The following CADM1 variants were observed in gnomAD, a reference collection of about 807,000 sequenced individuals.
CADM1 encodes the protein TSLC-1.
In CADM1, 15 loss-of-function variants were observed where a neutral mutation model predicts 53.1. The observed-to-expected ratio is 0.28, with a 90% confidence interval of 0.19 to 0.44. The LOEUF (loss-of-function observed/expected upper bound fraction) is 0.44. CADM1 is among the 20% of genes least tolerant of loss of function. CADM1 has a pLI of 1.00. For synonymous variants in CADM1, 281 were observed against 243.0 expected (o/e 1.16, Z -1.45); for missense variants, 434 against 611.3 (o/e 0.71, Z 3.06).
At chr11:115,227,475 C>T (rs574968397) in intron 5 of CADM1, among the ~76,000 whole-genome samples, 134 of 152,108 alleles carry the variant, frequency 8.8e-4, no homozygotes, top group African/African-American at 2.7e-3. Context: ...CTACTCAGGA[C>T]GTACAAAGGA....
intron 1 of CADM1, among the ~76,000 whole-genome samples, chr11:115,364,849 T>G (rs900861270): frequency 1.3e-5 from 2 of 152,230 alleles, no homozygotes; most frequent in Non-Finnish European, 1.5e-5. Flanking sequence ...TCAGAACTTA[T>G]TAATGTTGGC....
At chr11:115,497,720 C>T (rs780212867) in intron 1 of CADM1, among the ~76,000 whole-genome samples, 14 of 152,134 alleles carry the variant, frequency 9.2e-5, no homozygotes, top group Admixed American at 2.0e-4. Context: ...TTGATGGTTT[C>T]CAAACTAAGG....
chr11:115,174,277 T>C lies in CADM1; in HGVS notation c.*2197A>G. 1 of 964,424 alleles carries C rather than the reference T, an allele frequency of 1.0e-6. No individual in the cohort carries two copies. The highest frequency in any genetic ancestry group is 4.8e-5 in the South Asian group (1 of 20,962). The allele number at this position is 964,424 out of a possible 1,614,324, so 59.7% of individuals were successfully genotyped here. On this transcript the variant is annotated 3_prime_UTR_variant, in exon 12 of 12. Coordinates refer to ENST00000331581, the MANE Select transcript of CADM1 (RefSeq NM_001301043.2). ...TGAGCAATGGTGTGATTTTTTTTTT[T>C]TGTTTTTGTTTTTGTTTTTCTTTTT... is the stretch of plus-strand genomic sequence containing the variant.
At chr11:115,197,900 G>T (rs1330940979) in intron 9 of CADM1, among the ~76,000 whole-genome samples, 2 of 152,144 alleles carry the variant, frequency 1.3e-5, no homozygotes, top group Non-Finnish European at 1.5e-5. Flanking sequence ...TTCTAAAGAA[G>T]AACAATGACC....
intron 1 of CADM1, chr11:115,397,735 TAGG>T (rs1565405837): frequency 2.0e-5 from 3 of 152,128 alleles, no homozygotes; most frequent in Non-Finnish European, 2.9e-5. Flanking sequence ...CGTTAATGAC[TAGG>T]AAGTGTACCA....
chr11:115,436,709 T>G (rs1740572635), intron 1 of CADM1, among the ~76,000 whole-genome samples: 1 of 152,212 alleles, frequency 6.6e-6, no homozygotes, highest in South Asian at 2.1e-4. Context: ...CTGTTGTACC[T>G]CAATGGTATG....
At chr11:115,331,290 T>A (rs1214024838) in intron 1 of CADM1, among the ~76,000 whole-genome samples, 1 of 152,184 alleles carries the variant, frequency 6.6e-6, no homozygotes, top group Admixed American at 6.5e-5. Flanking sequence ...AACATTATGT[T>A]CAGTTATTTA....
chr11:115,398,070 A>G (rs1591778356), intron 1 of CADM1, among the ~76,000 whole-genome samples: 2 of 152,146 alleles, frequency 1.3e-5, no homozygotes, highest in South Asian at 4.1e-4. Flanking sequence ...ATAAACCAGT[A>G]AACACTTGAC....
Position 115,254,278 on chromosome 11 carries a change from C to T in CADM1, c.125-13858G>A, listed in dbSNP as rs140641863. Among the ~76,000 whole-genome samples the T allele has an allele frequency of 1.7e-3, 256 of 152,214 alleles. 1 individual carries two copies. Among genetic ancestry groups the T allele is most frequent in the African/African-American group, 5.2e-3 (214 of 41,536 alleles). On this transcript the variant is annotated intron_variant, in intron 1 of 11. Coordinates refer to ENST00000331581, the MANE Select transcript of CADM1 (RefSeq NM_001301043.2). Reference sequence around the variant, plus strand: ...AGACTTCATGGGTGCTAGGCGCTCTCACTTTTTGAAGTAACTGGTCCATAT... The same window carrying T: ...AGACTTCATGGGTGCTAGGCGCTCTTACTTTTTGAAGTAACTGGTCCATAT...
intron 8 of CADM1, among the ~76,000 whole-genome samples, chr11:115,206,191 G>A (rs759357454): frequency 1.3e-5 from 2 of 152,136 alleles, no homozygotes; most frequent in African/African-American, 2.4e-5. Flanking sequence ...TGTTGAATAC[G>A]TATTGCTTTT....
chr11:115,209,507 C>T, intron 8 of CADM1, 67 bp downstream of exon 8: 3 of 1,594,088 alleles, frequency 1.9e-6, no homozygotes, highest in Non-Finnish European at 2.6e-6. Flanking sequence ...TTTTCGGCTT[C>T]TTTTTATACA....
chr11:115,448,568 C>A (rs1420401956), intron 1 of CADM1, among the ~76,000 whole-genome samples: 1 of 147,380 alleles, frequency 6.8e-6, no homozygotes, highest in South Asian at 2.2e-4. Context: ...CATTTTTTCT[C>A]ATTTTTCAAC....
intron 8 of CADM1, among the ~76,000 whole-genome samples, chr11:115,203,249 T>C (rs909904537): frequency 6.6e-6 from 1 of 152,102 alleles, no homozygotes; most frequent in African/African-American, 2.4e-5. Flanking sequence ...GCAAACCAGA[T>C]GTTCTGCAAA....
intron 11 of CADM1, 145 bp from the exon 12 acceptor site, chr11:115,176,737 G>A (rs1046618378): frequency 4.4e-5 from 33 of 755,930 alleles, no homozygotes; most frequent in African/African-American, 6.8e-5. Flanking sequence ...AGAAGAGAGC[G>A]GGGTGGGTGA....
chr11:115,266,342 T>C (rs2135032131), intron 1 of CADM1, among the ~76,000 whole-genome samples: 1 of 152,352 alleles, frequency 6.6e-6, no homozygotes, highest in East Asian at 1.9e-4. Context: ...TCAATTGTTC[T>C]AGAATACTAT....
At chr11:115,445,080 A>G (rs1162606524) in intron 1 of CADM1, among the ~76,000 whole-genome samples, 1 of 152,180 alleles carries the variant, frequency 6.6e-6, no homozygotes, top group African/African-American at 2.4e-5. Flanking sequence ...ACGTATTTGG[A>G]AGGGGGAAAG....
Position 115,231,366 on chromosome 11 carries a change from G to T in CADM1, c.549C>A (p.Asn183Lys). ...TCTGCAGCTTACCTTTTAGCTCTGT[G>T]TTCCCTTTGAACCACCTGATAGTCG... The part of the protein sequence containing the change: ...PATTIRWFKG[N>K]TELKGKSEVE... Residue 183 changes from asparagine (N) to lysine (K), a missense_variant, in exon 4 of 12, where the codon AAC becomes AAA. Physicochemically the swap from Asn to Lys is moderately conservative, Grantham distance 94 (BLOSUM62 0). Coordinates refer to ENST00000331581, the MANE Select transcript of CADM1 (RefSeq NM_001301043.2). 6.2e-7 allele frequency: 1 copy of T among 1,614,162 alleles called. No homozygotes were observed. The highest frequency in any genetic ancestry group is 8.5e-7 in the Non-Finnish European group (1 of 1,180,000).
chr11:115,301,145 A>T (rs1293014195), intron 1 of CADM1, among the ~76,000 whole-genome samples: 1 of 152,114 alleles, frequency 6.6e-6, no homozygotes, highest in East Asian at 1.9e-4. Flanking sequence ...ATTAGACTGA[A>T]GGCATGGATG....
intron 3 of CADM1, among the ~76,000 whole-genome samples, chr11:115,238,156 A>T (rs1164603059): frequency 6.6e-6 from 1 of 152,174 alleles, no homozygotes; most frequent in Non-Finnish European, 1.5e-5. Context: ...TTGGTAGCCC[A>T]TCTCCCCTTC....
Sources: allele counts gnomAD v4.1 joint callset (sites outside exome capture counted in the v4.1 genomes callset), GRCh38; gene constraint gnomAD v4.1.1; transcripts MANE v1.5; gene names NCBI Gene and HGNC (gene_info 2026-07-23, HGNC 2026-07-21).